The following NXPE1 variants were observed in gnomAD, a reference collection of about 807,000 sequenced individuals.
NXPE1 encodes neurexophilin and PC-esterase domain family member 1, also known as NXPE family member 1.
A neutral mutation model predicts 33.3 loss-of-function variants in NXPE1; 31 were observed. The ratio of observed to expected loss-of-function variants is 0.93; its 90% CI spans 0.70 to 1.26. NXPE1 has a LOEUF of 1.26. NXPE1 is among the 50% of genes most tolerant of loss of function. The pLI, the probability that NXPE1 is intolerant of heterozygous loss-of-function variation, is 0.00. For missense variants in NXPE1, 661 were observed against 655.6 expected (o/e 1.01, Z -0.09); for synonymous variants, 229 against 231.4 (o/e 0.99, Z 0.09).
In NXPE1 at chr11:114,554,100, G is replaced by T. The variant is rs1948592965; in HGVS notation, c.-210-1220C>A. ...AACTTGGCCACTATCTGACTCACTT[G>T]TCTCCTCTCCTTATGCTTCTATATG... On this transcript the variant is annotated intron_variant, in intron 1 of 8. Transcript: ENST00000534921. 8 of 985,198 alleles carry T rather than the reference G, an allele frequency of 8.1e-6. 1 individual carries two copies. The South Asian group carries it at 1.4e-4, about 17-fold the overall frequency. 61.0% of individuals were successfully genotyped at this position (985,198 alleles called of 1,614,324 possible).
chr11:114,547,047 C>T (rs111482046), intron 5 of NXPE1, among the ~76,000 whole-genome samples: 1 of 152,026 alleles, frequency 6.6e-6, no homozygotes, highest in African/African-American at 2.4e-5. Flanking sequence ...GCAGATTCTC[C>T]CCACTCAAGG....
chr11:114,522,655 A>G (rs2134895276), intron 8 of NXPE1, 152 bp from the exon 9 acceptor site: 1 of 737,914 alleles, frequency 1.4e-6, no homozygotes, highest in Non-Finnish European at 2.2e-6. Context: ...CAGTTCATAC[A>G]TGTAAAATGT....
downstream of NXPE1, among the ~76,000 whole-genome samples, chr11:114,521,020 G>A (rs1345168239): frequency 6.6e-6 from 1 of 152,156 alleles, no homozygotes; most frequent in East Asian, 1.9e-4. Flanking sequence ...TTCATTCACT[G>A]ATGATCTCTG....
chr11:114,535,254 C>G (rs985839375), intron 5 of NXPE1, among the ~76,000 whole-genome samples: 1 of 152,176 alleles, frequency 6.6e-6, no homozygotes, highest in Non-Finnish European at 1.5e-5. Flanking sequence ...CACCACCAGG[C>G]CTGCCCTAAA....
chr11:114,524,494 C>A (rs890029753), intron 7 of NXPE1, among the ~76,000 whole-genome samples: 2 of 152,158 alleles, frequency 1.3e-5, no homozygotes, highest in Non-Finnish European at 2.9e-5. Context: ...CTTGGAATAG[C>A]TCTTAAGTCC....
intron 5 of NXPE1, among the ~76,000 whole-genome samples, chr11:114,540,468 T>C (rs1948050682): frequency 1.3e-5 from 2 of 152,174 alleles, no homozygotes; most frequent in Non-Finnish European, 1.5e-5. Context: ...TCCACATATA[T>C]ACATAAATAC....
At chr11:114,552,613 T>G (rs987029221) in intron 2 of NXPE1, among the ~76,000 whole-genome samples, 2 of 152,130 alleles carry the variant, frequency 1.3e-5, no homozygotes, top group African/African-American at 4.8e-5. Flanking sequence ...GGGGCTACTC[T>G]GACCCCTCCT....
At chr11:114,526,175 A>T (rs980757067) in intron 7 of NXPE1, among the ~76,000 whole-genome samples, 1 of 152,186 alleles carries the variant, frequency 6.6e-6, no homozygotes, top group Non-Finnish European at 1.5e-5. Flanking sequence ...TAAGCAAAGG[A>T]ACAGATTCTC....
intron 7 of NXPE1, among the ~76,000 whole-genome samples, chr11:114,523,344 T>C (rs1947273437): frequency 6.6e-6 from 1 of 152,216 alleles, no homozygotes; most frequent in Non-Finnish European, 1.5e-5. Flanking sequence ...GAGCTAAATC[T>C]TGACGTTCTA....
chr11:114,555,716 T>A (rs1315402675), intron 1 of NXPE1, among the ~76,000 whole-genome samples: 1 of 152,196 alleles, frequency 6.6e-6, no homozygotes, highest in Non-Finnish European at 1.5e-5. Flanking sequence ...AATCACAGAT[T>A]TAGTTTTTGG....
rs1280847113 is a variant in NXPE1 at position 114,527,839 on chromosome 11, C to T, written c.895+1G>A. The T allele has an allele frequency of 6.2e-7, 1 of 1,604,044 alleles. No individual in the cohort carries two copies. Among genetic ancestry groups the T allele is most frequent in the South Asian group, 1.1e-5 (1 of 88,364 alleles). ...CCTAACTCAGGACAGAGCCAACTTA[C>T]TGTTACAATTAGTGACATCAATGTG... On this transcript the variant is annotated splice_donor_variant, in intron 7 of 8. Transcript: ENST00000534921. LOFTEE classifies it high-confidence loss of function.
At chr11:114,531,461 C>T (rs895041203) in intron 5 of NXPE1, among the ~76,000 whole-genome samples, 6 of 152,156 alleles carry the variant, frequency 3.9e-5, no homozygotes, top group East Asian at 1.9e-4. Flanking sequence ...GAAGACAGTC[C>T]TGCTTTCTCT....
intron 1 of NXPE1, chr11:114,554,402 C>G: frequency 2.0e-6 from 2 of 984,920 alleles, no homozygotes; most frequent in Non-Finnish European, 2.4e-6. Context: ...GACAATATTC[C>G]AGAACAGGGG....
chr11:114,536,778 A>T (rs1313067036), intron 5 of NXPE1, among the ~76,000 whole-genome samples: 3 of 152,220 alleles, frequency 2.0e-5, no homozygotes, highest in Admixed American at 6.5e-5. Flanking sequence ...TCTGAAATTG[A>T]GGCAATAATT....
At chr11:114,538,518 G>T (rs953861667) in intron 5 of NXPE1, among the ~76,000 whole-genome samples, 2 of 152,128 alleles carry the variant, frequency 1.3e-5, no homozygotes, top group African/African-American at 4.8e-5. Context: ...GAAAATTTTT[G>T]CAACCTACTC....
chr11:114,530,492 C>A (rs752103385), exon 6 of NXPE1: 79 of 1,613,930 alleles, frequency 4.9e-5, no homozygotes, highest in Non-Finnish European at 6.7e-5. Flanking sequence ...CCTGGCCCTC[C>A]CAGAACAGAG....
intron 3 of NXPE1, among the ~76,000 whole-genome samples, 169 bp downstream of exon 3, chr11:114,551,805 G>C (rs1350071): frequency 0.25 from 38,071 of 152,030 alleles, 5,010 homozygotes; most frequent in East Asian, 0.44. Flanking sequence ...GAAGGGGGAA[G>C]AAGGAGATAG....
At chr11:114,531,005 A>G in intron 5 of NXPE1, 97 bp from the exon 6 acceptor site, 1 of 1,250,792 alleles carries the variant, frequency 8.0e-7, no homozygotes, top group Non-Finnish European at 1.1e-6. Context: ...GAATATTTGT[A>G]TAATTGAATT....
At chr11:114,521,988 A>C (rs540491301) in exon 9 of NXPE1, 1 of 1,612,090 alleles carries the variant, frequency 6.2e-7, no homozygotes. Context: ...TAGTTTAAGA[A>C]CATGTTAATC....
Sources: allele counts gnomAD v4.1 joint callset (sites outside exome capture counted in the v4.1 genomes callset), GRCh38; gene constraint gnomAD v4.1.1; transcripts MANE v1.5; gene names NCBI Gene and HGNC (gene_info 2026-07-23, HGNC 2026-07-21).